The following TRAPPC11 variants were observed in gnomAD, a reference collection of about 807,000 sequenced individuals.
TRAPPC11 encodes the protein trafficking protein particle complex subunit 11.
Under a neutral mutation model 151.2 loss-of-function variants are expected in TRAPPC11, and 104 were observed. The observed-to-expected ratio is 0.69, with a 90% CI of 0.59 to 0.81. The LOEUF is 0.81. TRAPPC11 is among the 30% of genes least tolerant of loss of function. The pLI, the probability that TRAPPC11 is intolerant of heterozygous loss-of-function variation, is 0.00. For missense variants in TRAPPC11, 1,230 were observed against 1,349.6 expected, an observed-to-expected ratio of 0.91 and a Z score of 1.39; for synonymous variants, 456 against 472.3, an observed-to-expected ratio of 0.97 and a Z score of 0.45.
intron 8 of TRAPPC11, among the ~76,000 whole-genome samples, 169 bp downstream of exon 8, chr4:183,677,723 T>A (rs568382940): frequency 6.6e-6 from 1 of 152,218 alleles, no homozygotes; most frequent in Non-Finnish European, 1.5e-5. Context: ...CTTAGCAGGC[T>A]ATTTATAGTA....
chr4:183,679,903 G>T (rs758293961), intron 9 of TRAPPC11, among the ~76,000 whole-genome samples: 1 of 152,106 alleles, frequency 6.6e-6, no homozygotes, highest in Non-Finnish European at 1.5e-5. Context: ...TATTTATAAA[G>T]ACTTGTTAGA....
At chr4:183,712,115 C>G (rs903126253) in intron 29 of TRAPPC11, among the ~76,000 whole-genome samples, 5 of 152,190 alleles carry the variant, frequency 3.3e-5, no homozygotes, top group African/African-American at 1.2e-4. Flanking sequence ...GGAGATTGGG[C>G]AACCTTGAGT....
rs750025110 is a variant in TRAPPC11 at position 183,674,784 on chromosome 4, A to C, written c.632A>C (p.Lys211Thr). The C allele has an allele frequency of 2.5e-6, 4 of 1,595,466 alleles. No individual in the cohort carries two copies. The highest frequency in any genetic ancestry group is 2.3e-5 in the East Asian group (1 of 43,664). ...YTEIRRVKSH[K>T]EFLNKTTHQL... ...GAGATCAGAAGAGTGAAATCTCATA[A>C]AGAATTTTTGAATAAAACAACACAC... The change falls in exon 6 of 30, where the codon AAA becomes ACA. Residue 211 changes from lysine (K) to threonine (T), a missense_variant. Physicochemically the swap from Lys to Thr is moderately conservative, Grantham distance 78. Coordinates refer to ENST00000334690, the MANE Select transcript of TRAPPC11 (RefSeq NM_021942.6).
intron 8 of TRAPPC11, among the ~76,000 whole-genome samples, chr4:183,678,667 A>G (rs1735532206): frequency 6.6e-6 from 1 of 152,252 alleles, no homozygotes; most frequent in African/African-American, 2.4e-5. Flanking sequence ...CTGTGTGTAG[A>G]ATATATCAGG....
In TRAPPC11 at chr4:183,685,287, C is replaced by T. The variant is rs1235658373; in HGVS notation, c.1646C>T (p.Pro549Leu). The T allele has an allele frequency of 1.7e-5, 27 of 1,613,770 alleles. No individual in the cohort carries two copies. The highest frequency in any genetic ancestry group is 2.3e-5 in the Non-Finnish European group (27 of 1,179,690). Residue 549 changes from proline (P) to leucine (L), a missense_variant, in exon 17 of 30, where the codon CCA becomes CTA. Transcript: ENST00000334690. Reference protein sequence around the residue: ...INVLMNESPDPEPDCDILAVK... With the variant: ...INVLMNESPDLEPDCDILAVK... ...TTGATGCAGAATGAAAGTCCTGATC[C>T]AGAACCCGACTGTGATATCTTAGCT...
Position 183,677,446 on chromosome 4 carries a change from C to A in TRAPPC11, c.735-12C>A. On this transcript the variant is annotated splice_polypyrimidine_tract_variant and intron_variant, in intron 7 of 29. Coordinates refer to ENST00000334690, the MANE Select transcript of TRAPPC11 (RefSeq NM_021942.6). ...AAACTAATTTATATCATTAACCACC[C>A]TCCTCATTTAGGAATTATAGGACCG... is the stretch of plus-strand genomic sequence containing the variant. 1 of 1,470,846 alleles carries A rather than the reference C, an allele frequency of 6.8e-7. No homozygotes were observed. Among genetic ancestry groups the A allele is most frequent in the Non-Finnish European group, 9.5e-7 (1 of 1,055,254 alleles). The allele number at this position is 1,470,846 out of a possible 1,614,324, so 91.1% of individuals were successfully genotyped here.
intron 5 of TRAPPC11, among the ~76,000 whole-genome samples, chr4:183,673,535 G>T (rs183060838): frequency 6.6e-6 from 1 of 151,918 alleles, no homozygotes; most frequent in Admixed American, 6.6e-5. Context: ...TTAGCTGGGC[G>T]TGGTCATGTA....
chr4:183,705,564 T>C (rs547245315), intron 27 of TRAPPC11, among the ~76,000 whole-genome samples: 1 of 152,190 alleles, frequency 6.6e-6, no homozygotes, highest in Admixed American at 6.5e-5. Flanking sequence ...CATTAACCCC[T>C]GCATCACCTC....
At chr4:183,673,675 AAAATGAAATG>A (rs775315198) in intron 5 of TRAPPC11, among the ~76,000 whole-genome samples, 1 of 152,238 alleles carries the variant, frequency 6.6e-6, no homozygotes, top group Admixed American at 6.5e-5. Context: ...CCCTGTCTCA[AAAATGAAATG>A]AAATGAAATG....
chr4:183,665,987 T>G (rs1011489838), intron 2 of TRAPPC11, among the ~76,000 whole-genome samples: 1 of 147,520 alleles, frequency 6.8e-6, no homozygotes, highest in Non-Finnish European at 1.5e-5. Context: ...TCATTAGACA[T>G]GCATCATCGT....
intron 8 of TRAPPC11, 101 bp from the exon 9 acceptor site, chr4:183,679,252 A>G (rs979992626): frequency 1.0e-5 from 12 of 1,196,484 alleles, no homozygotes; most frequent in Admixed American, 3.4e-5. Flanking sequence ...AGGAAATTTC[A>G]TTGTCTTTTT....
At chr4:183,701,608 GTTCT>G (rs977566375) in intron 25 of TRAPPC11, 85 bp from the exon 26 acceptor site, 3 of 874,212 alleles carry the variant, frequency 3.4e-6, no homozygotes, top group Admixed American at 1.8e-5. Flanking sequence ...TGGGTGAGGT[GTTCT>G]TTCTTTGTTC....
intron 18 of TRAPPC11, among the ~76,000 whole-genome samples, chr4:183,688,621 G>A (rs1385134407): frequency 6.6e-6 from 1 of 152,298 alleles, no homozygotes; most frequent in East Asian, 1.9e-4. Context: ...CTCTGTAATA[G>A]AAATGATTAG....
At position 183,708,578 on chromosome 4, in the gene TRAPPC11, A is replaced by G. The variant is rs770138518; in HGVS notation, c.3357+4A>G. On this transcript the variant is annotated splice_donor_region_variant and intron_variant, in intron 29 of 29. Transcript: ENST00000334690. ...ACCTACCAGTATTTTTGTCAAGGTA[A>G]AGCTTAGCAATTTTCTGCTTTTTAA... The G allele has an allele frequency of 1.2e-6, 2 of 1,605,946 alleles. No individual in the cohort carries two copies. The highest frequency in any genetic ancestry group is 1.1e-5 in the South Asian group (1 of 88,748).
intron 18 of TRAPPC11, among the ~76,000 whole-genome samples, chr4:183,689,811 AT>A (rs1439304889): frequency 6.6e-6 from 1 of 151,970 alleles, no homozygotes; most frequent in East Asian, 1.9e-4. Context: ...TCAACAAAAA[AT>A]ATAAGCTACT....
At chr4:183,704,495 TG>T (rs1185580326) in intron 26 of TRAPPC11, among the ~76,000 whole-genome samples, 1 of 130,016 alleles carries the variant, frequency 7.7e-6, no homozygotes, top group Non-Finnish European at 1.6e-5. Flanking sequence ...CAGCCCAGCC[TG>T]GGTGAGAGAG....
At chr4:183,676,567 A>G (rs1410321096) in intron 7 of TRAPPC11, among the ~76,000 whole-genome samples, 1 of 152,232 alleles carries the variant, frequency 6.6e-6, no homozygotes, top group Non-Finnish European at 1.5e-5. Context: ...TTTTTCTATG[A>G]AAAGCCTGTT....
intron 5 of TRAPPC11, among the ~76,000 whole-genome samples, chr4:183,670,931 A>G (rs7697110): frequency 0.49 from 74,850 of 152,002 alleles, 19,045 homozygotes; most frequent in African/African-American, 0.62. Flanking sequence ...GATTACAGGC[A>G]ATCTTGGCCA....
At chr4:183,661,779 T>G (rs112057625) in intron 1 of TRAPPC11, among the ~76,000 whole-genome samples, 19,065 of 141,966 alleles carry the variant, frequency 0.13, 1,408 homozygotes, top group African/African-American at 0.26. Context: ...TTTTTTTTTT[T>G]GTGGCACAAT....
Sources: gnomAD v4.1 joint callset for allele counts (sites outside exome capture counted in the v4.1 genomes callset) on GRCh38, gnomAD v4.1.1 for gene constraint, MANE v1.5 for transcripts, NCBI Gene and HGNC (gene_info 2026-07-23, HGNC 2026-07-21) for gene names.